MS4A8: variants seen among roughly 807,000 people sequenced by gnomAD.
MS4A8 encodes the protein membrane spanning 4-domains A8, also known as membrane-spanning 4-domains subfamily A member 8.
A neutral mutation model predicts 23.7 loss-of-function variants in MS4A8; 27 were observed. The ratio of observed to expected loss-of-function variants is 1.14; its 90% CI spans 0.84 to 1.57. MS4A8 has a LOEUF of 1.57. Ranked by LOEUF, MS4A8 falls within the 40% of genes most tolerant of loss-of-function variation. The probability of loss-of-function intolerance (pLI) is 0.00; values close to 1 mark genes in which losing one functional copy is unlikely to be tolerated. For synonymous variants in MS4A8, 138 were observed against 126.3 expected, an observed-to-expected ratio of 1.09 and a Z score of -0.62; for missense variants, 301 against 311.4, an observed-to-expected ratio of 0.97 and a Z score of 0.25.
intron 5 of MS4A8, among the ~76,000 whole-genome samples, chr11:60,713,291 G>A (rs1283513417): frequency 6.6e-6 from 1 of 152,174 alleles, no homozygotes; most frequent in Non-Finnish European, 1.5e-5. Flanking sequence ...GAAAGAAAAA[G>A]GGGGCCTAGG....
At chr11:60,706,543 A>G (rs531905914) in intron 3 of MS4A8, among the ~76,000 whole-genome samples, 3 of 152,306 alleles carry the variant, frequency 2.0e-5, no homozygotes, top group Admixed American at 6.5e-5. Context: ...GAATCTTGAT[A>G]TAAAGATTGG....
chr11:60,709,647 G>C (rs968739153), intron 5 of MS4A8, among the ~76,000 whole-genome samples: 8 of 152,322 alleles, frequency 5.3e-5, no homozygotes, highest in African/African-American at 1.9e-4. Flanking sequence ...GGCAGCTACA[G>C]ATGAGCTACC....
In MS4A8 at chr11:60,715,019, A is replaced by G. The variant is rs1168299149; in HGVS notation, c.535-2A>G. Reference sequence around the variant, plus strand: ...TGTCCTCCCCATCTGCTCTGCCTACAGAACCCTGGAATGGCGATTTCTGGC... The same window carrying G: ...TGTCCTCCCCATCTGCTCTGCCTACGGAACCCTGGAATGGCGATTTCTGGC... On this transcript the variant is annotated splice_acceptor_variant, in intron 5 of 6. Coordinates refer to ENST00000300226, the MANE Select transcript of MS4A8 (RefSeq NM_031457.2). LOFTEE classifies it high-confidence loss of function. The G allele has an allele frequency of 1.2e-6, 2 of 1,612,630 alleles. No homozygotes were observed. Among genetic ancestry groups the G allele is most frequent in the South Asian group, 1.1e-5 (1 of 91,058 alleles).
Position 60,707,064 on chromosome 11 carries a change from G to A in MS4A8, c.402+17G>A. On this transcript the variant is annotated intron_variant, in intron 4 of 6. Transcript: ENST00000300226. ...TATTGCCTGGTAAGTTACATTCTGA[G>A]ACCAGCTCTTCCAACTGGAGACCTA... 1.9e-6 allele frequency: 3 copies of A among 1,609,686 alleles called. No individual in the cohort carries two copies. Among genetic ancestry groups the A allele is most frequent in the Non-Finnish European group, 2.6e-6 (3 of 1,175,958 alleles).
intron 1 of MS4A8, 26 bp from the exon 2 acceptor site, chr11:60,700,834 A>G: frequency 6.2e-7 from 1 of 1,612,770 alleles, no homozygotes; most frequent in Non-Finnish European, 8.5e-7. Context: ...GTGAGGGAAA[A>G]TTCTCTCGCA....
chr11:60,703,977 A>G (rs992682224), intron 3 of MS4A8, among the ~76,000 whole-genome samples: 2 of 152,158 alleles, frequency 1.3e-5, no homozygotes, highest in Admixed American at 6.5e-5. Flanking sequence ...ACACAGTCAG[A>G]TTCTGGAGCA....
At chr11:60,708,865 G>A (rs1179613439) in intron 5 of MS4A8, 84 bp downstream of exon 5, 1 of 1,520,642 alleles carries the variant, frequency 6.6e-7, no homozygotes, top group Non-Finnish European at 9.1e-7. Context: ...TGACAACCAA[G>A]CTACCTCACT....
chr11:60,714,413 G>A (rs2088325343), intron 5 of MS4A8, among the ~76,000 whole-genome samples: 1 of 152,134 alleles, frequency 6.6e-6, no homozygotes, highest in African/African-American at 2.4e-5. Flanking sequence ...ACAAAATGGA[G>A]TCTCCTATGT....
In MS4A8 at chr11:60,704,116, C is replaced by CTT. The variant is rs1245958477; in HGVS notation, c.342+637_342+638dup. On this transcript the variant is annotated intron_variant, in intron 3 of 6. Transcript: ENST00000300226. ...TCAAAAGGGATGTATTTTCTTTTTA[C>CTT]TTTTTTTTTTTTTTTTTTTTTTGAG... Among the ~76,000 whole-genome samples, 258 of 126,804 alleles carry CTT rather than the reference C, an allele frequency of 2.0e-3. 3 individuals carry two copies. The highest frequency in any genetic ancestry group is 3.2e-3 in the African/African-American group (102 of 31,558). The allele number at this position is 126,804 out of a possible 152,430, so 83.2% of individuals were successfully genotyped here.
At chr11:60,715,201 T>C in intron 6 of MS4A8, 67 bp downstream of exon 6, 1 of 1,503,712 alleles carries the variant, frequency 6.7e-7, no homozygotes, top group Admixed American at 1.7e-5. Context: ...GGGAGCTCTT[T>C]GTGCTTTCCA....
intron 2 of MS4A8, chr11:60,701,374 T>C (rs1356820259): frequency 1.9e-6 from 1 of 528,298 alleles, no homozygotes; most frequent in Non-Finnish European, 3.6e-6. Context: ...CCCTGTGGCC[T>C]CTGAAGAAAG....
At position 60,703,368 on chromosome 11, in the gene MS4A8, C is replaced by T. The variant is rs768445770; in HGVS notation, c.220-10C>T. The stretch of plus-strand genomic sequence containing the variant: ...AGAAACAAGACTTCAGCTTGTGGCT[C>T]TCCTGACAGGCCATCCAGATCATCA... On this transcript the variant is annotated splice_polypyrimidine_tract_variant and intron_variant, in intron 2 of 6. Transcript: ENST00000300226. The T allele has an allele frequency of 6.5e-7, 1 of 1,541,310 alleles. No homozygotes were observed. Among genetic ancestry groups the T allele is most frequent in the South Asian group, 1.2e-5 (1 of 80,982 alleles).
intron 2 of MS4A8, among the ~76,000 whole-genome samples, chr11:60,702,458 A>G (rs913604738): frequency 1.3e-5 from 2 of 152,372 alleles, no homozygotes; most frequent in East Asian, 1.9e-4. Context: ...GCTGGAGCGC[A>G]GTGGCGCAGT....
intron 3 of MS4A8, 147 bp downstream of exon 3, chr11:60,703,647 G>A (rs532178143): frequency 1.2e-5 from 11 of 888,554 alleles, no homozygotes; most frequent in African/African-American, 8.7e-5. Context: ...CCCTGGCCTC[G>A]TTCCGCAAGC....
At position 60,700,884 on chromosome 11, in the gene MS4A8, TC is replaced by T. The variant is rs752664736; in HGVS notation, c.26del (p.Pro9ArgfsTer17). The stretch of plus-strand genomic sequence containing the variant: ...GCATGAATTCGATGACTTCAGCAGT[TC>T]CGGTGGCCAATTCTGTGTTGGTGGT... MNSMTSAV[P>X]VANSVLVVAP... is the part of the protein sequence containing the mutation. On this transcript the variant is annotated frameshift_variant, in exon 2 of 7. Coordinates refer to ENST00000300226, the MANE Select transcript of MS4A8 (RefSeq NM_031457.2). LOFTEE classifies it high-confidence loss of function. 1.9e-6 allele frequency: 3 copies of T among 1,614,082 alleles called. No homozygotes were observed. In the African/African-American group the frequency reaches 4.0e-5, roughly 22 times the overall value.
chr11:60,699,874 C>G (rs1014191226), intron 1 of MS4A8, 99 bp downstream of exon 1: 1 of 152,150 alleles, frequency 6.6e-6, no homozygotes, highest in African/African-American at 2.4e-5. Context: ...GAGGGATAGA[C>G]AGAGTGTATT....
At chr11:60,714,157 C>T (rs1186127951) in intron 5 of MS4A8, among the ~76,000 whole-genome samples, 1 of 147,042 alleles carries the variant, frequency 6.8e-6, no homozygotes, top group Non-Finnish European at 1.5e-5. Flanking sequence ...ATCTCCTGAC[C>T]TCATGATCCA....
intron 4 of MS4A8, among the ~76,000 whole-genome samples, chr11:60,708,067 T>A (rs1176808413): frequency 1.3e-5 from 2 of 151,992 alleles, no homozygotes; most frequent in Non-Finnish European, 2.9e-5. Context: ...AGGCTGGTCT[T>A]GAACTCCTGA....
chr11:60,713,167 A>G (rs867739470), intron 5 of MS4A8, among the ~76,000 whole-genome samples: 3 of 151,602 alleles, frequency 2.0e-5, no homozygotes, highest in Admixed American at 6.6e-5. Context: ...AGAGGCTGAC[A>G]TTTTCCCAAA....
Sources: gnomAD v4.1 joint callset for allele counts (sites outside exome capture counted in the v4.1 genomes callset) on GRCh38, gnomAD v4.1.1 for gene constraint, MANE v1.5 for transcripts, NCBI Gene and HGNC (gene_info 2026-07-23, HGNC 2026-07-21) for gene names.